Variants in PTPRT observed in about 807,000 individuals in gnomAD.
PTPRT encodes the protein protein tyrosine phosphatase receptor type T, also known as receptor-type tyrosine-protein phosphatase T.
PTPRT carries 56 observed loss-of-function variants against 176.8 expected under a neutral mutation model. That is an observed-to-expected ratio of 0.32 (90% CI 0.26 to 0.40). The LOEUF (loss-of-function observed/expected upper bound fraction) is 0.40, where lower values mean the gene tolerates loss of function less well. Among genes scored for constraint, PTPRT ranks in the 10% least tolerant of loss-of-function variants. PTPRT has a pLI of 1.00. For synonymous variants in PTPRT, 783 were observed against 739.0 expected (o/e 1.06, Z -0.96); for missense variants, 1,540 against 1,908.2 (o/e 0.81, Z 3.60).
chr20:42,638,307 G>C (rs975286146), intron 7 of PTPRT, among the ~76,000 whole-genome samples: 3 of 152,038 alleles, frequency 2.0e-5, no homozygotes, highest in Non-Finnish European at 2.9e-5. Flanking sequence ...TCTTACTTCA[G>C]GATGTCCATT....
At chr20:43,020,417 G>C in intron 1 of PTPRT, among the ~76,000 whole-genome samples, 1 of 152,026 alleles carries the variant, frequency 6.6e-6, no homozygotes, top group Non-Finnish European at 1.5e-5. Flanking sequence ...CGGCAACAGT[G>C]CATGCATCAG....
chr20:42,683,086 C>T (rs1417571741), intron 6 of PTPRT, among the ~76,000 whole-genome samples: 2 of 150,456 alleles, frequency 1.3e-5, no homozygotes, highest in African/African-American at 4.9e-5. Context: ...CACCTGATCA[C>T]CCTTTTAACT....
At chr20:43,013,389 G>T (rs1161989617) in intron 1 of PTPRT, among the ~76,000 whole-genome samples, 1 of 152,108 alleles carries the variant, frequency 6.6e-6, no homozygotes, top group East Asian at 1.9e-4. Flanking sequence ...GCCAATCCAA[G>T]AAAATATAAA....
At chr20:42,524,741 C>G (rs566709964) in intron 7 of PTPRT, among the ~76,000 whole-genome samples, 3 of 152,274 alleles carry the variant, frequency 2.0e-5, no homozygotes, top group Admixed American at 6.5e-5. Context: ...TTACAGAATA[C>G]ATATGTGAGA....
chr20:42,783,245 C>T (rs2077239793), intron 3 of PTPRT, among the ~76,000 whole-genome samples: 1 of 152,050 alleles, frequency 6.6e-6, no homozygotes, highest in African/African-American at 2.4e-5. Context: ...GTCAAGTGTG[C>T]TTTGTATGTT....
chr20:42,525,533 C>T (rs1004970511), intron 7 of PTPRT, among the ~76,000 whole-genome samples: 2 of 152,160 alleles, frequency 1.3e-5, no homozygotes, highest in African/African-American at 4.8e-5. Context: ...CCCTTAATTT[C>T]ACAAGCATAG....
intron 1 of PTPRT, among the ~76,000 whole-genome samples, chr20:43,120,080 T>C (rs1000548809): frequency 2.1e-4 from 32 of 152,296 alleles, no homozygotes; most frequent in African/African-American, 7.2e-4. Context: ...GTGCTGGGAT[T>C]ATAGGTGTGA....
chr20:42,488,120 T>G (rs781626633), intron 7 of PTPRT, among the ~76,000 whole-genome samples: 14 of 152,136 alleles, frequency 9.2e-5, no homozygotes, highest in Non-Finnish European at 1.8e-4. Flanking sequence ...TGGGGTGTGT[T>G]CTCTCCATCA....
chr20:42,664,255 CT>C (rs1164718812), intron 7 of PTPRT, among the ~76,000 whole-genome samples: 1 of 151,986 alleles, frequency 6.6e-6, no homozygotes, highest in African/African-American at 2.4e-5. Flanking sequence ...AAAGTTAGAG[CT>C]TTTTATGTGT....
intron 1 of PTPRT, among the ~76,000 whole-genome samples, chr20:43,061,533 C>T (rs536670772): frequency 1.5e-4 from 23 of 152,342 alleles, no homozygotes; most frequent in Middle Eastern, 6.8e-3. Context: ...GTGTCCTCAA[C>T]GAATGGGCTC....
chr20:43,070,746 G>A (rs1029566078), intron 1 of PTPRT, among the ~76,000 whole-genome samples: 2 of 151,938 alleles, frequency 1.3e-5, no homozygotes, highest in African/African-American at 2.4e-5. Context: ...AACACTGCAT[G>A]TTCTCACTCA....
intron 1 of PTPRT, among the ~76,000 whole-genome samples, chr20:43,029,315 G>C (rs555018205): frequency 2.0e-5 from 3 of 152,300 alleles, no homozygotes; most frequent in East Asian, 3.9e-4. Context: ...GGCTGCTTGT[G>C]AGATACAGTT....
intron 9 of PTPRT, among the ~76,000 whole-genome samples, chr20:42,417,018 A>G (rs1158745252): frequency 6.6e-6 from 1 of 152,132 alleles, no homozygotes; most frequent in Non-Finnish European, 1.5e-5. Flanking sequence ...AATGGAAACA[A>G]AAAAGGCACC....
chr20:42,743,065 T>C (rs2076635696), intron 6 of PTPRT, among the ~76,000 whole-genome samples: 1 of 152,156 alleles, frequency 6.6e-6, no homozygotes, highest in Admixed American at 6.5e-5. Flanking sequence ...AGAGCACATT[T>C]TGCCGCTGAT....
At chr20:42,483,370 G>A (rs1005108806) in intron 7 of PTPRT, among the ~76,000 whole-genome samples, 1 of 152,122 alleles carries the variant, frequency 6.6e-6, no homozygotes, top group African/African-American at 2.4e-5. Flanking sequence ...CACCACATTG[G>A]CCAGGCTGGT....
the PTPRT span, among the ~76,000 whole-genome samples, chr20:42,049,638 G>A: frequency 1.3e-5 from 2 of 152,054 alleles, no homozygotes; most frequent in African/African-American, 4.8e-5. Flanking sequence ...GAATCTCTTG[G>A]GGAGCTTACT....
intron 2 of PTPRT, among the ~76,000 whole-genome samples, chr20:42,824,794 TA>T (rs1283033550): frequency 6.6e-6 from 1 of 151,684 alleles, no homozygotes; most frequent in African/African-American, 2.4e-5. Context: ...ATGGACAACA[TA>T]AAAATTAAAA....
intron 18 of PTPRT, among the ~76,000 whole-genome samples, chr20:42,138,986 G>A (rs924208697): frequency 2.6e-5 from 4 of 152,098 alleles, no homozygotes; most frequent in East Asian, 1.9e-4. Flanking sequence ...TTCTTCTTGC[G>A]CCAAGAATAT....
At chr20:42,656,303 C>T (rs893609153) in intron 7 of PTPRT, among the ~76,000 whole-genome samples, 1 of 151,998 alleles carries the variant, frequency 6.6e-6, no homozygotes, top group Admixed American at 6.6e-5. Context: ...CTGCCTAAGC[C>T]AAGCCTAAAG....
Sources: allele counts gnomAD v4.1 joint callset (sites outside exome capture counted in the v4.1 genomes callset), GRCh38; gene constraint gnomAD v4.1.1; transcripts MANE v1.5; gene names NCBI Gene and HGNC (gene_info 2026-07-23, HGNC 2026-07-21).